Variants in TFEC observed in about 807,000 individuals in gnomAD.
TFEC encodes the protein transcription factor EC.
TFEC carries 31 observed loss-of-function variants against 41.6 expected under a neutral mutation model. The observed-to-expected ratio is 0.74, with a 90% CI of 0.56 to 1.01. TFEC has a LOEUF of 1.01. Among genes scored for constraint, TFEC ranks in the 50% least tolerant of loss-of-function variants. The pLI, the probability that TFEC is intolerant of heterozygous loss-of-function variation, is 0.00. For synonymous variants in TFEC, 143 were observed against 140.6 expected (o/e 1.02, Z -0.12); for missense variants, 402 against 404.1 (o/e 0.99, Z 0.04).
At chr7:115,971,354 A>G (rs1793124391) in intron 3 of TFEC, among the ~76,000 whole-genome samples, 1 of 151,758 alleles carries the variant, frequency 6.6e-6, no homozygotes, top group Non-Finnish European at 1.5e-5. Flanking sequence ...TCCTGATATA[A>G]TTGGCTTATA....
intron 6 of TFEC, among the ~76,000 whole-genome samples, chr7:115,945,447 T>C (rs1363335301): frequency 1.3e-5 from 2 of 151,560 alleles, no homozygotes; most frequent in Admixed American, 1.3e-4. Context: ...GGGACCCTCA[T>C]TGCTAAACCC....
At chr7:115,973,010 G>T (rs981370563) in intron 3 of TFEC, among the ~76,000 whole-genome samples, 2 of 151,890 alleles carry the variant, frequency 1.3e-5, no homozygotes, top group African/African-American at 4.8e-5. Context: ...TGTATCTAGA[G>T]AATTAGTTTT....
intron 1 of TFEC, among the ~76,000 whole-genome samples, chr7:116,144,066 A>G (rs1399351220): frequency 2.0e-5 from 3 of 152,102 alleles, no homozygotes; most frequent in Non-Finnish European, 4.4e-5. Context: ...AAAAATACAA[A>G]AATTAGCCAG....
intron 1 of TFEC, among the ~76,000 whole-genome samples, chr7:116,021,255 T>G (rs1795384151): frequency 6.6e-6 from 1 of 152,220 alleles, no homozygotes. Flanking sequence ...TAAAAAGCAC[T>G]ACCATTAAAG....
intron 3 of TFEC, among the ~76,000 whole-genome samples, chr7:116,052,047 G>A (rs550361530): frequency 1.3e-5 from 2 of 151,070 alleles, no homozygotes; most frequent in African/African-American, 4.9e-5. Flanking sequence ...GTTTTTAAAC[G>A]TTTTAACTTT....
intron 3 of TFEC, among the ~76,000 whole-genome samples, chr7:116,102,401 C>A (rs1409092591): frequency 6.6e-6 from 1 of 152,096 alleles, no homozygotes; most frequent in East Asian, 1.9e-4. Context: ...GATGACTGAT[C>A]TCTGAGGATA....
intron 2 of TFEC, among the ~76,000 whole-genome samples, chr7:115,979,835 C>G (rs964819046): frequency 6.6e-6 from 1 of 152,118 alleles, no homozygotes; most frequent in Non-Finnish European, 1.5e-5. Flanking sequence ...ATCAACATTA[C>G]CCCTGAGTTC....
intron 1 of TFEC, among the ~76,000 whole-genome samples, chr7:116,122,377 G>T (rs982080873): frequency 6.6e-6 from 1 of 152,038 alleles, no homozygotes; most frequent in Non-Finnish European, 1.5e-5. Context: ...TGGTGGTTAG[G>T]TTTCTATGTA....
At chr7:115,976,335 G>C (rs1793377619) in intron 2 of TFEC, among the ~76,000 whole-genome samples, 1 of 152,070 alleles carries the variant, frequency 6.6e-6, no homozygotes, top group African/African-American at 2.4e-5. Context: ...TGAGGTGGGA[G>C]AATCATGTGA....
intron 3 of TFEC, among the ~76,000 whole-genome samples, chr7:116,085,765 C>T (rs887704697): frequency 4.0e-5 from 6 of 151,880 alleles, no homozygotes; most frequent in African/African-American, 1.4e-4. Context: ...TAGATTTCAC[C>T]TTTAGCTGGA....
Position 116,100,129 on chromosome 7 carries a change from A to G in TFEC, c.198+10579T>C, listed in dbSNP as rs950432486. ...TAATATCAAATGGCTAAAAGTTAAT[A>G]AATTCAGAGTTTACCCAGAGGCAAT... On this transcript the variant is annotated intron_variant, in intron 3 of 8. Transcript: ENST00000484212. 7.9e-5 allele frequency among the ~76,000 whole-genome samples: 12 copies of G among 152,344 alleles called. No individual in the cohort carries two copies. In the East Asian group the frequency reaches 2.3e-3, roughly 29 times the overall value.
intron 1 of TFEC, among the ~76,000 whole-genome samples, chr7:116,140,030 A>C (rs1310835310): frequency 6.6e-6 from 1 of 152,234 alleles, no homozygotes; most frequent in Non-Finnish European, 1.5e-5. Context: ...GATGCAATGG[A>C]AGGAATGTTC....
chr7:115,955,016 T>A (rs1307843084), intron 4 of TFEC, among the ~76,000 whole-genome samples: 1 of 152,064 alleles, frequency 6.6e-6, no homozygotes, highest in East Asian at 1.9e-4. Context: ...TAGTATTCAA[T>A]TATTATTTTC....
chr7:116,064,023 A>G (rs1796634288), intron 3 of TFEC, among the ~76,000 whole-genome samples: 1 of 152,184 alleles, frequency 6.6e-6, no homozygotes, highest in Admixed American at 6.5e-5. Context: ...TAGAAGATCT[A>G]AAAAAACTGA....
intron 6 of TFEC, among the ~76,000 whole-genome samples, chr7:115,943,898 T>C (rs1205794886): frequency 6.7e-6 from 1 of 150,260 alleles, no homozygotes; most frequent in Admixed American, 6.6e-5. Context: ...GGCAAAACTA[T>C]GGAAAATGTA....
intron 1 of TFEC, among the ~76,000 whole-genome samples, chr7:115,994,158 G>C (rs1794253203): frequency 1.3e-5 from 2 of 152,130 alleles, no homozygotes; most frequent in Non-Finnish European, 1.5e-5. Flanking sequence ...GCCATATGTA[G>C]AAAGCTGAAA....
chr7:115,972,438 G>T (rs1473759075), intron 3 of TFEC, among the ~76,000 whole-genome samples: 1 of 152,002 alleles, frequency 6.6e-6, no homozygotes, highest in African/African-American at 2.4e-5. Context: ...ACTAGAAATG[G>T]GTTTGACCCA....
rs564864108 is a variant in TFEC, at chr7:115,963,610, C to T, written c.268-6817G>A. 2.0e-5 allele frequency among the ~76,000 whole-genome samples: 3 copies of T among 151,788 alleles called. No homozygotes were observed. The South Asian group carries it at 6.2e-4, about 32-fold the overall frequency. On this transcript the variant is annotated intron_variant, in intron 3 of 7. Transcript: ENST00000265440. ...AGGAATGAAATTCTGATGAATGCTG[C>T]AACATGGGTGAAACTTGAAAAAATT...
intron 1 of TFEC, among the ~76,000 whole-genome samples, chr7:116,145,831 A>G (rs567280477): frequency 6.6e-6 from 1 of 152,252 alleles, no homozygotes; most frequent in Non-Finnish European, 1.5e-5. Context: ...CAGACTGCTT[A>G]TAAGTTAAAA....
Sources: gnomAD v4.1 joint callset for allele counts (sites outside exome capture counted in the v4.1 genomes callset) on GRCh38, gnomAD v4.1.1 for gene constraint, MANE v1.5 for transcripts, NCBI Gene and HGNC (gene_info 2026-07-23, HGNC 2026-07-21) for gene names.